Variants in MACROD2 observed in about 807,000 individuals in gnomAD.
The protein encoded by MACROD2 is ADP-ribose glycohydrolase MACROD2.
MACROD2 carries 36 observed loss-of-function variants against 70.4 expected under a neutral mutation model. That is an observed-to-expected ratio of 0.51 (90% confidence interval 0.39 to 0.68). The LOEUF (loss-of-function observed/expected upper bound fraction) is 0.68, where lower values mean the gene tolerates loss of function less well. MACROD2 is among the 30% of genes least tolerant of loss of function. The pLI, the probability that MACROD2 is intolerant of heterozygous loss-of-function variation, is 0.00. For synonymous variants in MACROD2, 172 were observed against 178.8 expected (o/e 0.96, Z 0.30); for missense variants, 496 against 538.4 (o/e 0.92, Z 0.78).
chr20:14,407,607 C>T lies in MACROD2; in HGVS notation c.272-85872C>T, dbSNP rs545047318. On this transcript the variant is annotated intron_variant, in intron 3 of 17. Coordinates refer to ENST00000684519, the MANE Select transcript of MACROD2 (RefSeq NM_001351661.2). ...TTCCTGTGGGAATCATTGTTAAGGA[C>T]GCTCTCAAAATGAAGTAAATATGTA... Among the ~76,000 whole-genome samples the T allele has an allele frequency of 1.9e-4, 29 of 152,140 alleles. No homozygotes were observed. In the South Asian group the frequency reaches 3.1e-3, roughly 16 times the overall value.
chr20:15,610,875 C>T (rs2048957540), intron 8 of MACROD2, among the ~76,000 whole-genome samples: 2 of 151,976 alleles, frequency 1.3e-5, no homozygotes, highest in African/African-American at 4.8e-5. Context: ...TGGCCTCATG[C>T]AGAAGGCAGA....
intron 8 of MACROD2, among the ~76,000 whole-genome samples, chr20:15,748,760 G>C (rs1388293034): frequency 6.6e-6 from 1 of 152,062 alleles, no homozygotes; most frequent in Admixed American, 6.6e-5. Flanking sequence ...TAAGAAGTCT[G>C]ATCTGAATAA....
intron 5 of MACROD2, among the ~76,000 whole-genome samples, chr20:14,791,728 G>A (rs1032882441): frequency 2.0e-5 from 3 of 151,772 alleles, no homozygotes; most frequent in South Asian, 2.1e-4. Flanking sequence ...GAAGAAATTC[G>A]TATATGTAAC....
At chr20:14,375,713 T>A (rs1031992532) in intron 3 of MACROD2, among the ~76,000 whole-genome samples, 1 of 152,152 alleles carries the variant, frequency 6.6e-6, no homozygotes, top group Admixed American at 6.5e-5. Flanking sequence ...ATGAATGGAT[T>A]GTCTCCGGTT....
intron 7 of MACROD2, among the ~76,000 whole-genome samples, chr20:15,473,357 C>T (rs548519730): frequency 1.3e-5 from 2 of 152,254 alleles, no homozygotes; most frequent in Admixed American, 1.3e-4. Flanking sequence ...AAAATATTTG[C>T]ACAGTGAAAG....
intron 8 of MACROD2, among the ~76,000 whole-genome samples, chr20:15,842,031 A>G (rs957734015): frequency 6.6e-6 from 1 of 152,112 alleles, no homozygotes; most frequent in Non-Finnish European, 1.5e-5. Context: ...GAGGTTGAAA[A>G]GACACTAGAC....
intron 2 of MACROD2, among the ~76,000 whole-genome samples, chr20:14,016,043 C>A (rs924289652): frequency 6.6e-6 from 1 of 152,172 alleles, no homozygotes; most frequent in Non-Finnish European, 1.5e-5. Context: ...TGAGGAGACA[C>A]AAAACTTTTC....
intron 3 of MACROD2, among the ~76,000 whole-genome samples, chr20:14,092,491 A>G (rs909235144): frequency 6.6e-6 from 1 of 152,238 alleles, no homozygotes; most frequent in Non-Finnish European, 1.5e-5. Context: ...AGTTAATATA[A>G]TGGCATGTTT....
intron 3 of MACROD2, among the ~76,000 whole-genome samples, chr20:14,458,815 A>G (rs931666959): frequency 6.6e-6 from 1 of 152,038 alleles, no homozygotes; most frequent in Non-Finnish European, 1.5e-5. Flanking sequence ...AATGAGTGAA[A>G]AATTAAGTGC....
chr20:15,004,232 G>A (rs569811758), intron 5 of MACROD2, among the ~76,000 whole-genome samples: 5 of 152,126 alleles, frequency 3.3e-5, no homozygotes, highest in African/African-American at 1.2e-4. Flanking sequence ...GTTACACTTC[G>A]CTGACATTTT....
chr20:15,679,075 A>G (rs892128611), intron 8 of MACROD2, among the ~76,000 whole-genome samples: 1 of 152,022 alleles, frequency 6.6e-6, no homozygotes, highest in Admixed American at 6.5e-5. Context: ...CATCTCTACT[A>G]AAAATACAAA....
At chr20:14,062,936 T>G (rs923015108) in intron 2 of MACROD2, among the ~76,000 whole-genome samples, 2 of 152,190 alleles carry the variant, frequency 1.3e-5, no homozygotes, top group African/African-American at 2.4e-5. Context: ...ACATTACCTC[T>G]TATAGTCTGA....
At chr20:14,014,159 C>T (rs1014601734) in intron 2 of MACROD2, among the ~76,000 whole-genome samples, 5 of 152,072 alleles carry the variant, frequency 3.3e-5, no homozygotes, top group Non-Finnish European at 7.4e-5. Flanking sequence ...TCAGCGTGAA[C>T]AGATATTTTG....
chr20:14,197,668 G>A (rs1272086574), intron 3 of MACROD2, among the ~76,000 whole-genome samples: 2 of 152,194 alleles, frequency 1.3e-5, no homozygotes. Flanking sequence ...TTGGGAGGCT[G>A]AGACAGGACA....
chr20:14,327,127 A>G (rs1462065050), intron 3 of MACROD2: 2 of 1,613,792 alleles, frequency 1.2e-6, no homozygotes, highest in African/African-American at 1.3e-5. Context: ...CAGATAGGGA[A>G]TTTTTGAAAG....
intron 3 of MACROD2, among the ~76,000 whole-genome samples, chr20:14,187,537 A>G (rs1008209208): frequency 6.6e-6 from 1 of 152,210 alleles, no homozygotes; most frequent in Non-Finnish European, 1.5e-5. Context: ...ACTATCATGA[A>G]GTAATTTCAG....
chr20:14,953,071 G>A (rs867015669), intron 5 of MACROD2, among the ~76,000 whole-genome samples: 2 of 152,078 alleles, frequency 1.3e-5, no homozygotes, highest in Admixed American at 6.5e-5. Flanking sequence ...GTAAAAGCAA[G>A]CTTCTTTACT....
At chr20:14,063,204 G>A (rs2053710146) in intron 2 of MACROD2, among the ~76,000 whole-genome samples, 1 of 152,210 alleles carries the variant, frequency 6.6e-6, no homozygotes, top group South Asian at 2.1e-4. Flanking sequence ...TACTGAATGG[G>A]TAAGTTAGGG....
chr20:15,232,885 T>G (rs544009270), intron 6 of MACROD2, among the ~76,000 whole-genome samples: 1 of 152,062 alleles, frequency 6.6e-6, no homozygotes, highest in Non-Finnish European at 1.5e-5. Flanking sequence ...AAGAATAGAT[T>G]CTTCAAATAT....
Sources: gnomAD v4.1 joint callset for allele counts (sites outside exome capture counted in the v4.1 genomes callset) on GRCh38, gnomAD v4.1.1 for gene constraint, MANE v1.5 for transcripts, NCBI Gene and HGNC (gene_info 2026-07-23, HGNC 2026-07-21) for gene names.